The following USP34 variants were observed in gnomAD, a reference collection of about 807,000 sequenced individuals.
USP34 encodes ubiquitin specific peptidase 34.
A neutral mutation model predicts 460.3 loss-of-function variants in USP34; 70 were observed. That is an observed-to-expected ratio of 0.15 (90% CI 0.13 to 0.19). USP34 has a LOEUF of 0.19. Among genes scored for constraint, USP34 ranks in the 10% least tolerant of loss-of-function variants. The pLI is 1.00. For synonymous variants in USP34, 1,647 were observed against 1,405.3 expected, an observed-to-expected ratio of 1.17 and a Z score of -3.85; for missense variants, 3,985 against 4,236.2, an observed-to-expected ratio of 0.94 and a Z score of 1.65.
At chr2:61,201,562 T>C (rs893385292) in intron 75 of USP34, among the ~76,000 whole-genome samples, 2 of 152,148 alleles carry the variant, frequency 1.3e-5, no homozygotes, top group Admixed American at 6.5e-5. Context: ...CTAAACCCTA[T>C]GAGGCAACAT....
chr2:61,404,555 G>C (rs1693813104), intron 3 of USP34, among the ~76,000 whole-genome samples: 2 of 152,150 alleles, frequency 1.3e-5, no homozygotes, highest in South Asian at 2.1e-4. Flanking sequence ...GCACTGCTAA[G>C]ACTACTATTT....
At chr2:61,200,506 T>C (rs1397160541) in intron 75 of USP34, 1 of 152,330 alleles carries the variant, frequency 6.6e-6, no homozygotes, top group Non-Finnish European at 1.5e-5. Flanking sequence ...CTTTATCCTC[T>C]AACCAATCTT....
At chr2:61,277,949 CGACTTGCTCG>C (rs1271149305) in intron 41 of USP34, 1 of 519,928 alleles carries the variant, frequency 1.9e-6, no homozygotes, top group East Asian at 3.4e-5. Flanking sequence ...ACATAAGATG[CGACTTGCTCG>C]GACTTGCCCG....
chr2:61,274,215 T>G (rs902754655), intron 41 of USP34, among the ~76,000 whole-genome samples: 2 of 151,492 alleles, frequency 1.3e-5, no homozygotes, highest in African/African-American at 2.4e-5. Context: ...AATGGCGAAA[T>G]CCGGTCTCCA....
intron 2 of USP34, among the ~76,000 whole-genome samples, chr2:61,414,521 G>C (rs1375839498): frequency 1.3e-5 from 2 of 152,138 alleles, no homozygotes; most frequent in Admixed American, 6.5e-5. Flanking sequence ...CTACAACAAG[G>C]AAGTGAGCTA....
intron 43 of USP34, among the ~76,000 whole-genome samples, chr2:61,264,010 C>A (rs1046918408): frequency 6.6e-6 from 1 of 152,134 alleles, no homozygotes; most frequent in Non-Finnish European, 1.5e-5. Flanking sequence ...AGAAGTAAAA[C>A]CAAGAAGCAT....
chr2:61,288,089 G>C (rs1319908726), intron 34 of USP34, among the ~76,000 whole-genome samples: 4 of 152,142 alleles, frequency 2.6e-5, no homozygotes, highest in East Asian at 1.9e-4. Flanking sequence ...TCAGCCTTCA[G>C]CTTTTTTAGG....
At chr2:61,470,277 A>G (rs1344564584) in intron 1 of USP34, among the ~76,000 whole-genome samples, 6 of 152,122 alleles carry the variant, frequency 3.9e-5, no homozygotes, top group Non-Finnish European at 8.8e-5. Context: ...CTGCGGAGGA[A>G]AGCCTCGTCC....
chr2:61,401,709 C>G (rs1281418975), intron 3 of USP34, among the ~76,000 whole-genome samples: 1 of 147,386 alleles, frequency 6.8e-6, no homozygotes, highest in Non-Finnish European at 1.5e-5. Context: ...CTACCACGCC[C>G]TGCTAATTTT....
chr2:61,350,847 G>A (rs1436627003), intron 10 of USP34, among the ~76,000 whole-genome samples, 154 bp from the exon 11 acceptor site: 1 of 152,162 alleles, frequency 6.6e-6, no homozygotes, highest in Non-Finnish European at 1.5e-5. Context: ...ATGATGAATG[G>A]CAGTGCATAA....
At chr2:61,440,674 T>C (rs1009091541) in intron 1 of USP34, among the ~76,000 whole-genome samples, 4 of 151,454 alleles carry the variant, frequency 2.6e-5, no homozygotes, top group Admixed American at 1.3e-4. Context: ...CCCACCACCA[T>C]ACCCGGCTAC....
intron 40 of USP34, 46 bp downstream of exon 40, chr2:61,278,342 T>C (rs1444177651): frequency 6.2e-7 from 1 of 1,609,176 alleles, no homozygotes; most frequent in Non-Finnish European, 8.5e-7. Flanking sequence ...TTATGTCTTT[T>C]ATCTTTCCTC....
chr2:61,189,848 A>C (rs1411742863), intron 78 of USP34: 17 of 155,016 alleles, frequency 1.1e-4, no homozygotes, highest in Non-Finnish European at 2.4e-4. Flanking sequence ...AGAGTGTTCC[A>C]TTATTCTAGG....
chr2:61,391,210 C>T (rs1172159036), intron 5 of USP34, among the ~76,000 whole-genome samples: 1 of 152,122 alleles, frequency 6.6e-6, no homozygotes, highest in East Asian at 1.9e-4. Flanking sequence ...CTTTAGGAGG[C>T]CAAGGCGGGC....
chr2:61,223,177 A>G lies in USP34; in HGVS notation c.7645-13T>C. On this transcript the variant is annotated splice_polypyrimidine_tract_variant and intron_variant, in intron 63 of 79. Transcript: ENST00000398571. ...AGAAGGGAAATCCCTGTCAAAAGCA[A>G]AAGTTGTTCATTTAAGAACCGTTAT... 1 of 1,613,412 alleles carries G rather than the reference A, an allele frequency of 6.2e-7. No homozygotes were observed. Among genetic ancestry groups the G allele is most frequent in the Non-Finnish European group, 8.5e-7 (1 of 1,179,558 alleles).
At chr2:61,275,190 G>C (rs903096873) in intron 41 of USP34, among the ~76,000 whole-genome samples, 5 of 152,062 alleles carry the variant, frequency 3.3e-5, no homozygotes, top group African/African-American at 1.2e-4. Context: ...GAGGTGGGAG[G>C]ACTGCTTGAG....
chr2:61,249,549 T>C (rs143112718), intron 48 of USP34, among the ~76,000 whole-genome samples: 6 of 152,328 alleles, frequency 3.9e-5, no homozygotes, highest in East Asian at 3.9e-4. Context: ...AGGGAGACTA[T>C]AGAAGTATTC....
chr2:61,256,373 A>C lies in USP34; in HGVS notation c.6221+11T>G. The C allele has an allele frequency of 1.2e-6, 2 of 1,604,516 alleles. No individual in the cohort carries two copies. The highest frequency in any genetic ancestry group is 1.1e-5 in the South Asian group (1 of 90,328). Reference sequence around the variant, plus strand: ...GTGAACATAATAAAAATCACATTTGAAAAAGCATACCTTTTTTCAGCTCGT... The same window carrying C: ...GTGAACATAATAAAAATCACATTTGCAAAAGCATACCTTTTTTCAGCTCGT... On this transcript the variant is annotated intron_variant, in intron 48 of 79. Transcript: ENST00000398571.
chr2:61,279,713 C>G (rs1689478824), intron 39 of USP34, among the ~76,000 whole-genome samples: 1 of 152,164 alleles, frequency 6.6e-6, no homozygotes, highest in East Asian at 1.9e-4. Flanking sequence ...ATCCGCCCGC[C>G]TCGGCCTCCC....
Sources: gnomAD v4.1 joint callset for allele counts (sites outside exome capture counted in the v4.1 genomes callset) on GRCh38, gnomAD v4.1.1 for gene constraint, MANE v1.5 for transcripts, NCBI Gene and HGNC (gene_info 2026-07-23, HGNC 2026-07-21) for gene names.